The following HSF4 variants were observed in gnomAD, a reference collection of about 807,000 sequenced individuals.
HSF4 encodes heat shock transcription factor 4.
A neutral mutation model predicts 52.0 loss-of-function variants in HSF4; 41 were observed. The observed-to-expected ratio is 0.79, with a 90% CI of 0.61 to 1.02. The LOEUF (loss-of-function observed/expected upper bound fraction) is 1.02. Among genes scored for constraint, HSF4 ranks in the 50% least tolerant of loss-of-function variants. The pLI is 0.00. For missense variants in HSF4, 610 were observed against 651.1 expected (o/e 0.94, Z 0.69); for synonymous variants, 285 against 273.0 (o/e 1.04, Z -0.43).
chr16:67,165,976 T>C lies in HSF4; in HGVS notation c.391T>C (p.Trp131Arg). Residue 131 changes from tryptophan to arginine, a missense_variant, in exon 4 of 13, where the codon TGG becomes CGG. Trp to Arg is a moderately radical substitution (Grantham distance 101). Coordinates refer to ENST00000521374, the MANE Select transcript of HSF4 (RefSeq NM_001374675.1). This position sits in a 1 kb window ranked among gnomAD's most constrained non-coding sequence, Gnocchi z 6.9. The part of the protein sequence containing the change: ...VPALRGDDGR[W>R]RPEDLGRLLG... ...CGCGCTGCGCGGCGACGACGGCCGC[T>C]GGCGCCCGGAGGACCTGGGTCGACT... is the stretch of plus-strand genomic sequence containing the variant. 6.4e-7 allele frequency: 1 copy of C among 1,555,820 alleles called. No homozygotes were observed. Among genetic ancestry groups the C allele is most frequent in the Non-Finnish European group, 8.6e-7 (1 of 1,159,600 alleles).
rs756259393 is a variant in HSF4 at position 67,166,607 on chromosome 16, G to A, written c.611G>A (p.Gly204Glu). 11 of 1,613,750 alleles carry A rather than the reference G, an allele frequency of 6.8e-6. No homozygotes were observed. In the Admixed American group the frequency reaches 8.3e-5, roughly 12 times the overall value. The change falls in exon 6 of 13, where the codon GGA (glycine) becomes GAA (glutamate). Residue 204 changes from glycine to glutamate, a missense_variant. Physicochemically the swap from Gly to Glu is moderately conservative, Grantham distance 98 (BLOSUM62 -2). Transcript: ENST00000521374. ...GPLQAGPSNA[G>E]GKRKLSLMLD... ...CTTCAGGCGGGGCCGAGCAATGCAG[G>A]AGGCAAGAGAAAGCTGTGAGTGAGA... is the stretch of plus-strand genomic sequence containing the variant.
At position 67,169,074 on chromosome 16, in the gene HSF4, G is replaced by C; in HGVS notation, c.1227G>C (p.Leu409=). 1 of 1,613,610 alleles carries C rather than the reference G, an allele frequency of 6.2e-7. No homozygotes were observed. The highest frequency in any genetic ancestry group is 8.5e-7 in the Non-Finnish European group (1 of 1,180,030). ...GPSLQGREWT[L]MDLDMELSLM... ...GTCTCCAAGGGCGAGAATGGACCCT[G>C]ATGGACTTGGACATGGAGCTGTCCT... Residue 409 remains leucine, a synonymous_variant, in exon 11 of 13, where the codon CTG becomes CTC. Transcript: ENST00000521374. This position sits in a 1 kb window ranked among gnomAD's most constrained non-coding sequence, Gnocchi z 4.3.
rs199734886 is a variant in HSF4, at chr16:67,166,368, C to T, written c.534C>T (p.His178=). 113 of 1,609,598 alleles carry T rather than the reference C, an allele frequency of 7.0e-5. 1 individual carries two copies. The African/African-American group carries it at 1.3e-3, about 19-fold the overall frequency. The part of the protein sequence containing the change: ...WREVVTLRQS[H]GQQHRVIGKL... The stretch of plus-strand genomic sequence containing the variant: ...AGGTGGTGACACTTCGGCAGAGCCA[C>T]GGTCAGCAGCACCGGGTCATTGGCA... The change falls in exon 5 of 13, where the codon CAC becomes CAT. Residue 178 remains histidine (H), a synonymous_variant. Coordinates refer to ENST00000521374, the MANE Select transcript of HSF4 (RefSeq NM_001374675.1).
In HSF4 at chr16:67,168,937, G is replaced by A; in HGVS notation, c.1188+1G>A. The A allele has an allele frequency of 1.9e-6, 3 of 1,613,868 alleles. No individual in the cohort carries two copies. Among genetic ancestry groups the A allele is most frequent in the Non-Finnish European group, 2.5e-6 (3 of 1,179,778 alleles). ...TGTGGAACCTGCAGGGCCTCTAGAT[G>A]TGAGTACCCCTTCTGCTGAAACAGG... On this transcript the variant is annotated splice_donor_variant, in intron 10 of 12. Transcript: ENST00000521374. LOFTEE classifies it high-confidence loss of function.
rs1423161163 is a variant in HSF4 at position 67,169,673 on chromosome 16, A to C, written c.1367A>C (p.Gln456Pro). ...TLGAPLLLDV[Q>P]AALGGPALGL... ...GGGGCCCCACTCCTGCTGGATGTCC[A>C]GGCGGCCTTGGGAGGCCCAGCCCTG... Residue 456 changes from glutamine to proline, a missense_variant, in exon 13 of 13, where the codon CAG becomes CCG. Physicochemically the swap from Gln to Pro is moderately conservative, Grantham distance 76. Transcript: ENST00000521374. This position sits in a 1 kb window ranked among gnomAD's most constrained non-coding sequence, Gnocchi z 4.3. The C allele has an allele frequency of 1.8e-5, 29 of 1,611,986 alleles. No individual in the cohort carries two copies. The highest frequency in any genetic ancestry group is 2.5e-5 in the Non-Finnish European group (29 of 1,180,006).
At chr16:67,164,570 T>TCCCCCCCCCCCCC, upstream of HSF4, 1 of 181,272 alleles carries the variant, frequency 5.5e-6, no homozygotes, top group Non-Finnish European at 1.2e-5. Context: ...CCCACCCCAC[T>TCCCCCCCCCCCCC]CCACCCCACC....
Position 67,165,690 on chromosome 16 carries a change from G to A in HSF4, c.233-29G>A. 16 of 1,611,898 alleles carry A rather than the reference G, an allele frequency of 9.9e-6. No homozygotes were observed. Among genetic ancestry groups the A allele is most frequent in the Non-Finnish European group, 1.4e-5 (16 of 1,179,748 alleles). On this transcript the variant is annotated intron_variant, in intron 2 of 12. Transcript: ENST00000521374. This position sits in a 1 kb window ranked among gnomAD's most constrained non-coding sequence, Gnocchi z 6.9. ...GGGGACTCGGTGCCGGGGATGGGGC[G>A]ACCCACGCCCCCACGCCCCACTCCC...
At position 67,169,059 on chromosome 16, in the gene HSF4, G is replaced by C. The variant is rs201964173; in HGVS notation, c.1212G>C (p.Gly404=). ...PLDVLGPSLQ[G]REWTLMDLDM... is the part of the protein sequence containing the mutation. ...AGGTGCTGGGCCCCAGTCTCCAAGG[G>C]CGAGAATGGACCCTGATGGACTTGG... is the stretch of plus-strand genomic sequence containing the variant. The change falls in exon 11 of 13, where the codon GGG becomes GGC. Residue 404 remains glycine (G), a synonymous_variant. Coordinates refer to ENST00000521374, the MANE Select transcript of HSF4 (RefSeq NM_001374675.1). The surrounding 1 kb of genome is among the most constrained non-coding windows in gnomAD (Gnocchi z 4.3). 1 of 1,613,858 alleles carries C rather than the reference G, an allele frequency of 6.2e-7. No homozygotes were observed. Among genetic ancestry groups the C allele is most frequent in the African/African-American group, 1.3e-5 (1 of 75,024 alleles).
upstream of HSF4, chr16:67,164,715 G>A (rs1190901734): frequency 1.4e-6 from 2 of 1,419,848 alleles, no homozygotes; most frequent in African/African-American, 1.5e-5. Context: ...CCCCGGGGCG[G>A]AGTAGGGCGG....
Position 67,165,598 on chromosome 16 carries a change from A to G in HSF4, c.200A>G (p.Asn67Ser), listed in dbSNP as rs753844611. Residue 67 changes from asparagine (N) to serine (S), a missense_variant, in exon 2 of 13, where the codon AAC (asparagine) becomes AGC (serine). By Grantham distance (46) the Asn-to-Ser change is conservative (BLOSUM62 1). Transcript: ENST00000521374. This position sits in a 1 kb window ranked among gnomAD's most constrained non-coding sequence, Gnocchi z 6.9. ...CTGCCCCAGTATTTCAAGCATAGCA[A>G]CATGGCGAGCTTCGTGCGCCAACTC... is the stretch of plus-strand genomic sequence containing the variant. ...EVLPQYFKHS[N>S]MASFVRQLNM... 1 of 1,613,216 alleles carries G rather than the reference A, an allele frequency of 6.2e-7. No individual in the cohort carries two copies. The highest frequency in any genetic ancestry group is 8.5e-7 in the Non-Finnish European group (1 of 1,179,902).
In HSF4 at chr16:67,167,957, GC is replaced by G. The variant is rs34657618; in HGVS notation, c.1082+14del. On this transcript the variant is annotated intron_variant, in intron 9 of 12. Coordinates refer to ENST00000521374, the MANE Select transcript of HSF4 (RefSeq NM_001374675.1). ...GGGAGATACCTGACAGGTGAGCAGA[GC>G]CCCAGCTGGCCCATGAGCCCTGTGA... 5.2e-5 allele frequency: 81 copies of G among 1,567,222 alleles called. No homozygotes were observed. Among genetic ancestry groups the G allele is most frequent in the Non-Finnish European group, 6.7e-5 (78 of 1,161,452 alleles).
Position 67,167,891 on chromosome 16 carries a change from G to C in HSF4, c.1026G>C (p.Glu342Asp). 1 of 1,606,296 alleles carries C rather than the reference G, an allele frequency of 6.2e-7. No homozygotes were observed. Among genetic ancestry groups the C allele is most frequent in the South Asian group, 1.1e-5 (1 of 90,224 alleles). The change falls in exon 9 of 13, where the codon GAG becomes GAC. Residue 342 changes from glutamate (E) to aspartate (D), a missense_variant. Transcript: ENST00000521374. ...AAGGGAAAGGGAGCTTCAGCCCCGA[G>C]GGGCCCAGGAATGCCCAACAGCCTG... is the stretch of plus-strand genomic sequence containing the variant. ...ILEGKGSFSP[E>D]GPRNAQQPEP... is the part of the protein sequence containing the mutation.
At position 67,165,224 on chromosome 16, in the gene HSF4, G is replaced by A. The variant is rs1382178746; in HGVS notation, c.123+290G>A. The A allele has an allele frequency of 3.4e-6, 2 of 592,036 alleles. No individual in the cohort carries two copies. Among genetic ancestry groups the A allele is most frequent in the Non-Finnish European group, 6.0e-6 (2 of 332,712 alleles). The allele number at this position is 592,036 out of a possible 1,614,324, so 36.7% of individuals were successfully genotyped here. ...GAAAACAGAGGCCGGGAGATGGGAA[G>A]GGCTGGTCTAGCTCAGGGTCACATT... On this transcript the variant is annotated intron_variant, in intron 1 of 12. Transcript: ENST00000521374. The surrounding 1 kb of genome is among the most constrained non-coding windows in gnomAD (Gnocchi z 6.9).
chr16:67,166,503 C>T (rs2031308418), intron 5 of HSF4, 55 bp from the exon 6 acceptor site: 22 of 1,600,470 alleles, frequency 1.4e-5, no homozygotes, highest in Admixed American at 6.7e-5. Context: ...CCTGGAAGTG[C>T]GGGGGTGGGG....
intron 8 of HSF4, 45 bp downstream of exon 8, chr16:67,167,644 C>T: frequency 6.2e-7 from 1 of 1,612,244 alleles, no homozygotes; most frequent in Non-Finnish European, 8.5e-7. Context: ...GGGGGAGGGC[C>T]TGGCAGCCCA....
intron 9 of HSF4, among the ~76,000 whole-genome samples, chr16:67,168,598 G>A (rs2031482922): frequency 6.6e-6 from 1 of 152,106 alleles, no homozygotes; most frequent in Admixed American, 6.5e-5. Flanking sequence ...GGGAGGGGAA[G>A]GGTCCCAAAG....
At position 67,166,085 on chromosome 16, in the gene HSF4, G is replaced by A. The variant is rs766042067; in HGVS notation, c.485+15G>A. 134 of 1,522,926 alleles carry A rather than the reference G, an allele frequency of 8.8e-5. No individual in the cohort carries two copies. The highest frequency in any genetic ancestry group is 1.0e-4 in the Non-Finnish European group (118 of 1,137,476). 94.3% of individuals were successfully genotyped at this position (1,522,926 alleles called of 1,614,324 possible). A position where few individuals can be genotyped will look rare whatever the true frequency, so the allele number is the denominator to read the frequency against. Reference sequence around the variant, plus strand: ...GAGCTCAGGCAGTGCGGGGGCGGGCGGGGAAAGAGGGGACAGGGGTGGGGG... The same window carrying A: ...GAGCTCAGGCAGTGCGGGGGCGGGCAGGGAAAGAGGGGACAGGGGTGGGGG... On this transcript the variant is annotated intron_variant, in intron 4 of 12. Coordinates refer to ENST00000521374, the MANE Select transcript of HSF4 (RefSeq NM_001374675.1).
chr16:67,169,454 G>A lies in HSF4; in HGVS notation c.1324+106G>A. The A allele has an allele frequency of 6.4e-7, 1 of 1,569,184 alleles. No individual in the cohort carries two copies. Among genetic ancestry groups the A allele is most frequent in the South Asian group, 1.1e-5 (1 of 87,036 alleles). On this transcript the variant is annotated intron_variant, in intron 12 of 12. Transcript: ENST00000521374. This position sits in a 1 kb window ranked among gnomAD's most constrained non-coding sequence, Gnocchi z 4.3. ...AATTTGCAGGGAAATCCTGAGTTCAGGCTGCACTGCAGAGCGTTCCTTGAG... is the reference window on the plus strand; with the variant it reads ...AATTTGCAGGGAAATCCTGAGTTCAAGCTGCACTGCAGAGCGTTCCTTGAG...
chr16:67,167,236 C>T lies in HSF4; in HGVS notation c.729+14C>T. On this transcript the variant is annotated intron_variant, in intron 7 of 12. Transcript: ENST00000521374. ...TTCATCCAGTCGGTAGGTTTGTCTTCTTCCCCCTTCCCAAGGGCATGGCTG... is the reference window on the plus strand; with the variant it reads ...TTCATCCAGTCGGTAGGTTTGTCTTTTTCCCCCTTCCCAAGGGCATGGCTG... The T allele has an allele frequency of 6.2e-7, 1 of 1,614,098 alleles. No homozygotes were observed. The highest frequency in any genetic ancestry group is 8.5e-7 in the Non-Finnish European group (1 of 1,179,998).
Sources: gnomAD v4.1 joint callset for allele counts (sites outside exome capture counted in the v4.1 genomes callset) on GRCh38, gnomAD v4.1.1 for gene constraint, Gnocchi (gnomAD v3.1) non-coding constraint, MANE v1.5 for transcripts, NCBI Gene and HGNC (gene_info 2026-07-23, HGNC 2026-07-21) for gene names.